RIMS2: variants seen among roughly 807,000 people sequenced by gnomAD.
The protein encoded by RIMS2 is regulating synaptic membrane exocytosis protein 2.
In RIMS2, 59 loss-of-function variants were observed where a neutral mutation model predicts 174.4. The ratio of observed to expected loss-of-function variants is 0.34; its 90% CI spans 0.27 to 0.42. The LOEUF (loss-of-function observed/expected upper bound fraction) is 0.42, where lower values mean the gene tolerates loss of function less well. RIMS2 is among the 10% of genes least tolerant of loss of function. The probability of loss-of-function intolerance (pLI) is 1.00; values close to 1 mark genes in which losing one functional copy is unlikely to be tolerated. For synonymous variants in RIMS2, 606 were observed against 572.5 expected (o/e 1.06, Z -0.84); for missense variants, 1,620 against 1,666.3 (o/e 0.97, Z 0.48).
chr8:104,006,674 C>G (rs1160168940), intron 17 of RIMS2, among the ~76,000 whole-genome samples: 1 of 146,632 alleles, frequency 6.8e-6, no homozygotes, highest in African/African-American at 2.5e-5. Flanking sequence ...CTCTCTGTGT[C>G]TCTCTCTTTT....
intron 3 of RIMS2, among the ~76,000 whole-genome samples, chr8:103,777,890 G>A (rs891116307): frequency 1.3e-5 from 2 of 151,766 alleles, no homozygotes; most frequent in African/African-American, 4.8e-5. Context: ...TATAAACTGG[G>A]TACAAAATTG....
At chr8:103,895,312 T>TA (rs1383000064) in intron 4 of RIMS2, among the ~76,000 whole-genome samples, 4 of 151,560 alleles carry the variant, frequency 2.6e-5, no homozygotes, top group African/African-American at 9.8e-5. Context: ...CTGGATAGCT[T>TA]AAAAAGCAGA....
chr8:103,962,723 C>T (rs2090540779), intron 15 of RIMS2, among the ~76,000 whole-genome samples: 1 of 152,084 alleles, frequency 6.6e-6, no homozygotes, highest in African/African-American at 2.4e-5. Flanking sequence ...TCCCCAGGCT[C>T]ATTTGACCCT....
intron 1 of RIMS2, among the ~76,000 whole-genome samples, chr8:103,638,330 T>C (rs1452247763): frequency 6.6e-6 from 1 of 152,138 alleles, no homozygotes; most frequent in Non-Finnish European, 1.5e-5. Context: ...TGATTTCTAA[T>C]GTTAGCATAT....
intron 2 of RIMS2, among the ~76,000 whole-genome samples, chr8:103,748,855 C>T (rs2097851884): frequency 6.6e-6 from 1 of 151,972 alleles, no homozygotes; most frequent in African/African-American, 2.4e-5. Context: ...AGCTGGAGCG[C>T]AATGGCATGA....
chr8:104,142,147 A>G (rs912564126), intron 19 of RIMS2, among the ~76,000 whole-genome samples: 2 of 136,480 alleles, frequency 1.5e-5, no homozygotes, highest in Admixed American at 1.6e-4. Context: ...TCTTTTTGCG[A>G]CAGAGTTTCG....
At chr8:103,799,574 G>C (rs2098590377) in intron 3 of RIMS2, among the ~76,000 whole-genome samples, 1 of 152,098 alleles carries the variant, frequency 6.6e-6, no homozygotes, top group African/African-American at 2.4e-5. Context: ...TCTACTTGTA[G>C]TGCTTAAGGA....
At chr8:103,620,382 T>G (rs2095607189) in intron 1 of RIMS2, among the ~76,000 whole-genome samples, 1 of 148,188 alleles carries the variant, frequency 6.7e-6, no homozygotes, top group East Asian at 1.9e-4. Flanking sequence ...TTAATTCTTG[T>G]TTTTTTTCAA....
chr8:103,510,240 A>G (rs1825801486), intron 1 of RIMS2, among the ~76,000 whole-genome samples: 1 of 152,114 alleles, frequency 6.6e-6, no homozygotes, highest in African/African-American at 2.4e-5. Flanking sequence ...GTGCTTTGGT[A>G]TTGTTCAGTT....
At chr8:103,740,404 C>A (rs373552816) in intron 2 of RIMS2, among the ~76,000 whole-genome samples, 1 of 152,112 alleles carries the variant, frequency 6.6e-6, no homozygotes, top group Non-Finnish European at 1.5e-5. Context: ...TAGTAGGCAA[C>A]GCCTGGCTTA....
chr8:103,551,773 G>A (rs1441813812), intron 1 of RIMS2, among the ~76,000 whole-genome samples: 2 of 152,138 alleles, frequency 1.3e-5, no homozygotes, highest in Admixed American at 6.5e-5. Context: ...AAAAATCAAT[G>A]TGCAAAAATC....
intron 1 of RIMS2, among the ~76,000 whole-genome samples, chr8:103,528,039 C>G (rs1472307462): frequency 1.3e-5 from 2 of 152,186 alleles, no homozygotes; most frequent in Non-Finnish European, 2.9e-5. Context: ...TCTCCACATC[C>G]TCTCCAGCAC....
At chr8:103,595,838 C>T (rs1435555292) in intron 1 of RIMS2, among the ~76,000 whole-genome samples, 2 of 151,902 alleles carry the variant, frequency 1.3e-5, no homozygotes, top group South Asian at 2.1e-4. Context: ...ACTTCCTCTT[C>T]GATCCCATCC....
At chr8:103,643,064 C>A (rs985404509) in intron 1 of RIMS2, among the ~76,000 whole-genome samples, 1 of 151,660 alleles carries the variant, frequency 6.6e-6, no homozygotes, top group South Asian at 2.1e-4. Context: ...TATAATTGTC[C>A]CTCAGTTTTT....
intron 1 of RIMS2, among the ~76,000 whole-genome samples, chr8:103,671,300 A>G (rs1289460926): frequency 6.6e-6 from 1 of 152,200 alleles, no homozygotes; most frequent in African/African-American, 2.4e-5. Flanking sequence ...CAGCCAAACC[A>G]TATCACATTG....
intron 3 of RIMS2, among the ~76,000 whole-genome samples, chr8:103,808,277 C>T (rs921321169): frequency 1.3e-5 from 2 of 152,238 alleles, no homozygotes; most frequent in Admixed American, 6.5e-5. Flanking sequence ...TGACTTTTCT[C>T]TTACCTCTGT....
chr8:103,679,664 A>C (rs1201234121), intron 1 of RIMS2, among the ~76,000 whole-genome samples: 1 of 152,040 alleles, frequency 6.6e-6, no homozygotes, highest in African/African-American at 2.4e-5. Context: ...TACTGAATTC[A>C]TTTAGTTTCC....
chr8:103,551,773 G>C (rs1441813812), intron 1 of RIMS2, among the ~76,000 whole-genome samples: 1 of 152,138 alleles, frequency 6.6e-6, no homozygotes, highest in African/African-American at 2.4e-5. Flanking sequence ...AAAAATCAAT[G>C]TGCAAAAATC....
chr8:104,226,015 A>G (rs1475227505), intron 19 of RIMS2, among the ~76,000 whole-genome samples: 2 of 152,226 alleles, frequency 1.3e-5, no homozygotes, highest in African/African-American at 4.8e-5. Context: ...GGCCTAAAGC[A>G]GTGCTTCTCT....
Sources: allele counts gnomAD v4.1 joint callset (sites outside exome capture counted in the v4.1 genomes callset), GRCh38; gene constraint gnomAD v4.1.1; transcripts MANE v1.5; gene names NCBI Gene and HGNC (gene_info 2026-07-23, HGNC 2026-07-21).